DYRK2: variants seen among roughly 807,000 people sequenced by gnomAD.
DYRK2 encodes dual specificity tyrosine-phosphorylation-regulated kinase 2.
DYRK2 carries 12 observed loss-of-function variants against 41.6 expected under a neutral mutation model. The ratio of observed to expected loss-of-function variants is 0.29; its 90% CI spans 0.18 to 0.47. The LOEUF (loss-of-function observed/expected upper bound fraction) is 0.47, where lower values mean the gene tolerates loss of function less well. Among genes scored for constraint, DYRK2 ranks in the 20% least tolerant of loss-of-function variants. The pLI, the probability that DYRK2 is intolerant of heterozygous loss-of-function variation, is 1.00. For missense variants in DYRK2, 678 were observed against 798.4 expected, an observed-to-expected ratio of 0.85 and a Z score of 1.82; for synonymous variants, 322 against 315.7, an observed-to-expected ratio of 1.02 and a Z score of -0.21.
Position 67,662,183 on chromosome 12 carries a change from G to C in DYRK2, c.*3470G>C, listed in dbSNP as rs1269585699. 1 of 166,630 alleles carries C rather than the reference G, an allele frequency of 6.0e-6. No individual in the cohort carries two copies. Among genetic ancestry groups the C allele is most frequent in the African/African-American group, 2.4e-5 (1 of 41,354 alleles). The allele number at this position is 166,630 out of a possible 1,614,324, so 10.3% of individuals were successfully genotyped here. A position where few individuals can be genotyped will look rare whatever the true frequency, so the allele number is the denominator to read the frequency against. ...AAGCAGAAGACTTTTTAAAAAAACTGATCTGGTCTCGGTAAAGGTTTTAAT... is the reference window on the plus strand; with the variant it reads ...AAGCAGAAGACTTTTTAAAAAAACTCATCTGGTCTCGGTAAAGGTTTTAAT... On this transcript the variant is annotated 3_prime_UTR_variant, in exon 3 of 3. Coordinates refer to ENST00000344096, the MANE Select transcript of DYRK2 (RefSeq NM_006482.3).
Position 67,657,522 on chromosome 12 carries a change from T to C in DYRK2, c.615T>C (p.Asp205=). Residue 205 remains aspartate, a synonymous_variant, in exon 3 of 3, where the codon GAT becomes GAC. Transcript: ENST00000344096. The surrounding 1 kb of genome is among the most constrained non-coding windows in gnomAD (Gnocchi z 4.8). ...TGGPNNGGYD[D]DQGSYVQVPH... ...GGCCCAACAATGGTGGCTATGATGA[T>C]GACCAGGGATCATATGTGCAGGTGC... 1 of 1,614,060 alleles carries C rather than the reference T, an allele frequency of 6.2e-7. No homozygotes were observed.
intron 2 of DYRK2, among the ~76,000 whole-genome samples, chr12:67,654,549 C>T (rs1374815163): frequency 1.3e-5 from 2 of 152,106 alleles, no homozygotes; most frequent in Non-Finnish European, 2.9e-5. Context: ...TGAGATGAGG[C>T]AGTGTTGATG....
Position 67,657,701 on chromosome 12 carries a change from A to G in DYRK2, c.794A>G (p.Glu265Gly), listed in dbSNP as rs1288368147. The G allele has an allele frequency of 6.2e-7, 1 of 1,614,030 alleles. No individual in the cohort carries two copies. The highest frequency in any genetic ancestry group is 1.3e-5 in the African/African-American group (1 of 74,946). ...AAGCGCTTCCACCGGCAAGCAGCGG[A>G]GGAGATCCGAATCCTGGAACACCTG... The part of the protein sequence containing the change: ...NEKRFHRQAA[E>G]EIRILEHLRK... Residue 265 changes from glutamate to glycine, a missense_variant, in exon 3 of 3, where the codon GAG becomes GGG. Glu to Gly is a moderately conservative substitution (Grantham distance 98). Transcript: ENST00000344096. This position sits in a 1 kb window ranked among gnomAD's most constrained non-coding sequence, Gnocchi z 4.8.
At position 67,658,608 on chromosome 12, in the gene DYRK2, T is replaced by C; in HGVS notation, c.1701T>C (p.Pro567=). ...CTATCACATCTATATCCAAGTTACCTCCACCTTCTAGCTCAGCTTCCAAAC... is the reference window on the plus strand; with the variant it reads ...CTATCACATCTATATCCAAGTTACCCCCACCTTCTAGCTCAGCTTCCAAAC... ...TGAITSISKL[P]PPSSSASKLR... is the part of the protein sequence containing the mutation. Residue 567 remains proline (P), a synonymous_variant, in exon 3 of 3, where the codon CCT becomes CCC. Transcript: ENST00000344096. This position sits in a 1 kb window ranked among gnomAD's most constrained non-coding sequence, Gnocchi z 4.3. The C allele has an allele frequency of 6.2e-7, 1 of 1,614,156 alleles. No homozygotes were observed. The highest frequency in any genetic ancestry group is 8.5e-7 in the Non-Finnish European group (1 of 1,180,028).
At position 67,660,778 on chromosome 12, in the gene DYRK2, C is replaced by T. The variant is rs1872602038; in HGVS notation, c.*2065C>T. The stretch of plus-strand genomic sequence containing the variant: ...GGTGGCTTTGTAAGACCACCAGCCT[C>T]TTAATGATGGTTAGCTTCTTTAGGT... On this transcript the variant is annotated 3_prime_UTR_variant, in exon 3 of 3. Coordinates refer to ENST00000344096, the MANE Select transcript of DYRK2 (RefSeq NM_006482.3). The T allele has an allele frequency of 6.0e-6, 1 of 166,960 alleles. No individual in the cohort carries two copies. Among genetic ancestry groups the T allele is most frequent in the Admixed American group, 6.5e-5 (1 of 15,280 alleles). 10.3% of individuals were successfully genotyped at this position (166,960 alleles called of 1,614,324 possible).
In DYRK2 at chr12:67,649,883, C is replaced by G; in HGVS notation, c.136C>G (p.Pro46Ala). ...GATRSGVGTG[P>A]PSPIALPPLR... ...CACCCGGAGCGGAGTGGGGACTGGCCCGCCCTCCCCCATCGCCCTGCCGCC... is the reference window on the plus strand; with the variant it reads ...CACCCGGAGCGGAGTGGGGACTGGCGCGCCCTCCCCCATCGCCCTGCCGCC... The change falls in exon 2 of 3, where the codon CCG becomes GCG. Residue 46 changes from proline (P) to alanine (A), a missense_variant. Coordinates refer to ENST00000344096, the MANE Select transcript of DYRK2 (RefSeq NM_006482.3). The G allele has an allele frequency of 1.4e-6, 2 of 1,379,672 alleles. No individual in the cohort carries two copies. Among genetic ancestry groups the G allele is most frequent in the Non-Finnish European group, 9.3e-7 (1 of 1,070,270 alleles). The allele number at this position is 1,379,672 out of a possible 1,614,324, so 85.5% of individuals were successfully genotyped here.
Position 67,649,099 on chromosome 12 carries a change from G to A in DYRK2, c.-35G>A, listed in dbSNP as rs765627252. ...TAGCAGCAGGACCGGCGGCGGCGAC[G>A]GCAGCCCTGAAATGCATTTTCCTCT... On this transcript the variant is annotated 5_prime_UTR_variant, in exon 1 of 3. Coordinates refer to ENST00000344096, the MANE Select transcript of DYRK2 (RefSeq NM_006482.3). 13 of 1,478,834 alleles carry A rather than the reference G, an allele frequency of 8.8e-6. No individual in the cohort carries two copies. The South Asian group carries it at 1.4e-4, about 16-fold the overall frequency. The allele number at this position is 1,478,834 out of a possible 1,614,324, so 91.6% of individuals were successfully genotyped here.
intron 2 of DYRK2, among the ~76,000 whole-genome samples, chr12:67,650,593 G>A (rs528953138): frequency 1.3e-5 from 2 of 152,368 alleles, no homozygotes; most frequent in East Asian, 1.9e-4. Flanking sequence ...GAAAGGGCAA[G>A]CGTTGCTTTG....
chr12:67,660,088 T>C lies in DYRK2; in HGVS notation c.*1375T>C, dbSNP rs1872582443. ...ATTATTTTCACAGTGAAAATTTCAG[T>C]ATTTTATCACTAATGTATGAGCAAT... On this transcript the variant is annotated 3_prime_UTR_variant, in exon 3 of 3. Transcript: ENST00000344096. 6.0e-6 allele frequency: 1 copy of C among 167,080 alleles called. No homozygotes were observed. The highest frequency in any genetic ancestry group is 2.4e-5 in the African/African-American group (1 of 41,452). 10.3% of individuals were successfully genotyped at this position (167,080 alleles called of 1,614,324 possible).
Position 67,659,460 on chromosome 12 carries a change from T to G in DYRK2, c.*747T>G, listed in dbSNP as rs973650397. On this transcript the variant is annotated 3_prime_UTR_variant, in exon 3 of 3. Coordinates refer to ENST00000344096, the MANE Select transcript of DYRK2 (RefSeq NM_006482.3). ...ACAGAGTTGCTTTTGCACCTAAATT[T>G]AGAATTGTATTCCATGAACTGTTCC... 2 of 167,150 alleles carry G rather than the reference T, an allele frequency of 1.2e-5. No individual in the cohort carries two copies. The highest frequency in any genetic ancestry group is 2.4e-5 in the African/African-American group (1 of 41,468). 10.4% of individuals were successfully genotyped at this position (167,150 alleles called of 1,614,324 possible).
At chr12:67,649,418 G>A (rs1035876436) in intron 1 of DYRK2, among the ~76,000 whole-genome samples, 35 of 151,730 alleles carry the variant, frequency 2.3e-4, no homozygotes, top group Non-Finnish European at 4.3e-4. Flanking sequence ...GGGCCCGGGC[G>A]GGGACCGTCC....
chr12:67,653,004 A>G (rs189500405), intron 2 of DYRK2, among the ~76,000 whole-genome samples: 9 of 151,576 alleles, frequency 5.9e-5, no homozygotes, highest in Admixed American at 4.6e-4. Context: ...TAATTTTTGT[A>G]TTTTTAGTAG....
Position 67,649,004 on chromosome 12 carries a change from G to C in DYRK2, c.-130G>C. ...GTGTGTGTCTGGCTGTAGCAGACGCGAGGCGGCGACGAGGCGCCGGGGACC... is the reference window on the plus strand; with the variant it reads ...GTGTGTGTCTGGCTGTAGCAGACGCCAGGCGGCGACGAGGCGCCGGGGACC... On this transcript the variant is annotated 5_prime_UTR_variant, in exon 1 of 3. Transcript: ENST00000344096. 2.9e-6 allele frequency: 2 copies of C among 689,574 alleles called. No individual in the cohort carries two copies. The highest frequency in any genetic ancestry group is 2.9e-5 in the South Asian group (1 of 34,060). 42.7% of individuals were successfully genotyped at this position (689,574 alleles called of 1,614,324 possible). A position where few individuals can be genotyped will look rare whatever the true frequency, so the allele number is the denominator to read the frequency against.
Position 67,657,411 on chromosome 12 carries a change from A to T in DYRK2, c.504A>T (p.Thr168=). 1 of 1,614,182 alleles carries T rather than the reference A, an allele frequency of 6.2e-7. No homozygotes were observed. The highest frequency in any genetic ancestry group is 2.2e-5 in the East Asian group (1 of 44,866). Residue 168 remains threonine (T), a synonymous_variant, in exon 3 of 3, where the codon ACA becomes ACT. Transcript: ENST00000344096. The surrounding 1 kb of genome is among the most constrained non-coding windows in gnomAD (Gnocchi z 4.8). ...QAMKQYMQKL[T]AFEHHEIFSY... is the part of the protein sequence containing the mutation. ...TGAAGCAATACATGCAAAAACTCAC[A>T]GCCTTCGAACACCATGAGATTTTCA...
At position 67,662,019 on chromosome 12, in the gene DYRK2, C is replaced by T. The variant is rs918740697; in HGVS notation, c.*3306C>T. 1.8e-5 allele frequency: 3 copies of T among 166,098 alleles called. No homozygotes were observed. Among genetic ancestry groups the T allele is most frequent in the Admixed American group, 6.6e-5 (1 of 15,252 alleles). 10.3% of individuals were successfully genotyped at this position (166,098 alleles called of 1,614,324 possible). A position where few individuals can be genotyped will look rare whatever the true frequency, so the allele number is the denominator to read the frequency against. ...TTAAACTTAATGGGTGGTTTGGGGT[C>T]GTGTTAAATGACTCCATCAGAATGT... On this transcript the variant is annotated 3_prime_UTR_variant, in exon 3 of 3. Transcript: ENST00000344096.
At position 67,656,961 on chromosome 12, in the gene DYRK2, G is replaced by A. The variant is rs970147879; in HGVS notation, c.199-145G>A. ...GGCATTTATGAGGTCCATTTTTCAG[G>A]ATCACATGTTTTGTGGCTTTTACTC... is the stretch of plus-strand genomic sequence containing the variant. On this transcript the variant is annotated intron_variant, in intron 2 of 2. Coordinates refer to ENST00000344096, the MANE Select transcript of DYRK2 (RefSeq NM_006482.3). 1.3e-5 allele frequency: 11 copies of A among 818,500 alleles called. No individual in the cohort carries two copies. The African/African-American group carries it at 1.4e-4, about 10-fold the overall frequency. 50.7% of individuals were successfully genotyped at this position (818,500 alleles called of 1,614,324 possible). A position where few individuals can be genotyped will look rare whatever the true frequency, so the allele number is the denominator to read the frequency against.
At chr12:67,651,148 T>C (rs1432104960) in intron 2 of DYRK2, among the ~76,000 whole-genome samples, 2 of 152,212 alleles carry the variant, frequency 1.3e-5, no homozygotes, top group Admixed American at 6.5e-5. Context: ...TGGGAATTCA[T>C]TGCACAGAGG....
rs570697994 is a variant in DYRK2, at chr12:67,663,268, C to T, written c.*4555C>T. ...GAACTGCAATTAGCTCATGATTTGT[C>T]AAGTTCAGTTAGTACCAAGCTAAGA... On this transcript the variant is annotated 3_prime_UTR_variant, in exon 3 of 3. Transcript: ENST00000344096. 6.6e-6 allele frequency: 1 copy of T among 152,066 alleles called. No homozygotes were observed. The highest frequency in any genetic ancestry group is 1.5e-5 in the Non-Finnish European group (1 of 67,986). The allele number at this position is 152,066 out of a possible 1,614,324, so 9.4% of individuals were successfully genotyped here. A position where few individuals can be genotyped will look rare whatever the true frequency, so the allele number is the denominator to read the frequency against.
At chr12:67,649,675 C>T (rs1167757641) in intron 1 of DYRK2, 122 bp from the exon 2 acceptor site, 7 of 1,124,462 alleles carry the variant, frequency 6.2e-6, no homozygotes, top group Non-Finnish European at 6.7e-6. Context: ...TTTACTGCCC[C>T]GGTCTCTTCC....
Sources: allele counts gnomAD v4.1 joint callset (sites outside exome capture counted in the v4.1 genomes callset), GRCh38; gene constraint gnomAD v4.1.1; non-coding constraint Gnocchi (gnomAD v3.1); transcripts MANE v1.5; gene names NCBI Gene and HGNC (gene_info 2026-07-23, HGNC 2026-07-21).